Variants in NCALD observed in about 807,000 individuals in gnomAD.
NCALD encodes neurocalcin delta, also known as neurocalcin-delta.
Under a neutral mutation model 18.6 loss-of-function variants are expected in NCALD, and 10 were observed. The observed-to-expected ratio is 0.54, with a 90% confidence interval of 0.33 to 0.91. The LOEUF (loss-of-function observed/expected upper bound fraction) is 0.91. Ranked by LOEUF, NCALD falls within the 40% of genes least tolerant of loss-of-function variation. The probability of loss-of-function intolerance (pLI) is 0.03; values close to 1 mark genes in which losing one functional copy is unlikely to be tolerated. For missense variants in NCALD, 184 were observed against 247.6 expected, an observed-to-expected ratio of 0.74 and a Z score of 1.72; for synonymous variants, 88 against 87.4, an observed-to-expected ratio of 1.01 and a Z score of -0.04.
intron 4 of NCALD, among the ~76,000 whole-genome samples, chr8:101,801,643 CTTTTTTTTTTTTTTTTTTTT>C (rs71268530): frequency 0.036 from 1,598 of 44,122 alleles, 18 homozygotes; most frequent in Middle Eastern, 0.13. Context: ...AGCACACTTA[CTTTTTTTTTTTTTTTTTTTT>C]TTTTTTTTTT....
At chr8:102,064,152 A>C (rs1295672027) in intron 1 of NCALD, among the ~76,000 whole-genome samples, 1 of 152,228 alleles carries the variant, frequency 6.6e-6, no homozygotes, top group African/African-American at 2.4e-5. Context: ...GTTTGCCTTC[A>C]GGTTCCCAAA....
chr8:102,107,327 T>A (rs184235878), intron 1 of NCALD, among the ~76,000 whole-genome samples: 1 of 150,472 alleles, frequency 6.6e-6, no homozygotes, highest in South Asian at 2.1e-4. Flanking sequence ...CAAATTTGGA[T>A]TTCTTAAGGA....
chr8:101,937,302 G>C lies in NCALD; in HGVS notation c.-156-21444C>G, dbSNP rs575427636. Among the ~76,000 whole-genome samples the C allele has an allele frequency of 4.6e-5, 7 of 152,232 alleles. No homozygotes were observed. The South Asian group carries it at 1.2e-3, about 27-fold the overall frequency. ...TTTCATCACCCAGGTACTAAGCCCA[G>C]TAGCCAATAGTTATTTTTTCTGCTC... is the stretch of plus-strand genomic sequence containing the variant. On this transcript the variant is annotated intron_variant, in intron 2 of 6. Transcript: ENST00000311028.
At chr8:101,812,457 T>C (rs945108147) in intron 4 of NCALD, among the ~76,000 whole-genome samples, 3 of 152,160 alleles carry the variant, frequency 2.0e-5, no homozygotes, top group Non-Finnish European at 4.4e-5. Flanking sequence ...CTTTGTGTCA[T>C]GGCTGGGAAG....
chr8:102,104,411 C>T (rs564893420), intron 1 of NCALD, among the ~76,000 whole-genome samples: 2 of 152,194 alleles, frequency 1.3e-5, no homozygotes, highest in African/African-American at 2.4e-5. Flanking sequence ...AAAGTAAAGA[C>T]AAAACCATCC....
At chr8:101,884,754 G>A (rs142616249) in intron 4 of NCALD, among the ~76,000 whole-genome samples, 5 of 152,020 alleles carry the variant, frequency 3.3e-5, no homozygotes, top group South Asian at 4.2e-4. Flanking sequence ...CATTAAGAAC[G>A]TGACTGGATG....
At position 102,009,734 on chromosome 8, in the gene NCALD, C is replaced by T. The variant is rs555335512; in HGVS notation, c.-157+10503G>A. The stretch of plus-strand genomic sequence containing the variant: ...GAAAATGTTCTATTGGAGCAGTTTA[C>T]CGTCTTTCTGTCTGGAGAAATCGAT... On this transcript the variant is annotated intron_variant, in intron 2 of 6. Coordinates refer to the NCALD transcript ENST00000311028. 2.0e-5 allele frequency among the ~76,000 whole-genome samples: 3 copies of T among 152,302 alleles called. No homozygotes were observed. The South Asian group carries it at 6.2e-4, about 32-fold the overall frequency.
intron 1 of NCALD, among the ~76,000 whole-genome samples, chr8:101,747,219 C>G (rs2130744347): frequency 6.6e-6 from 1 of 152,214 alleles, no homozygotes; most frequent in Admixed American, 6.5e-5. Flanking sequence ...GTGACACAGG[C>G]AAAATCTGGT....
At chr8:101,957,041 T>G (rs568914680) in intron 2 of NCALD, among the ~76,000 whole-genome samples, 3 of 152,164 alleles carry the variant, frequency 2.0e-5, no homozygotes, top group South Asian at 2.1e-4. Context: ...AGCTCAGAGA[T>G]AAATTCAGAC....
intron 4 of NCALD, among the ~76,000 whole-genome samples, chr8:101,834,976 A>G (rs1436925074): frequency 6.6e-6 from 1 of 152,216 alleles, no homozygotes; most frequent in Non-Finnish European, 1.5e-5. Context: ...GTGGTCTTAG[A>G]CAAGTCACCT....
chr8:101,782,874 T>G (rs1812074071), intron 1 of NCALD, among the ~76,000 whole-genome samples: 1 of 152,212 alleles, frequency 6.6e-6, no homozygotes, highest in African/African-American at 2.4e-5. Flanking sequence ...TTGTAGCCAG[T>G]GTGGAAGACG....
At chr8:101,758,513 T>C (rs1030245870) in intron 1 of NCALD, among the ~76,000 whole-genome samples, 1 of 152,236 alleles carries the variant, frequency 6.6e-6, no homozygotes, top group African/African-American at 2.4e-5. Context: ...AAGCTATGTA[T>C]TAATTCATTC....
upstream of NCALD, among the ~76,000 whole-genome samples, chr8:101,793,307 G>A (rs1812514311): frequency 6.7e-6 from 1 of 149,316 alleles, no homozygotes; most frequent in African/African-American, 2.5e-5. Context: ...CCAAGATCAT[G>A]CCACTGCACT....
At chr8:102,080,529 T>G (rs937001389) in intron 1 of NCALD, among the ~76,000 whole-genome samples, 4 of 152,222 alleles carry the variant, frequency 2.6e-5, no homozygotes, top group African/African-American at 9.6e-5. Flanking sequence ...CCCTATGGGA[T>G]TAACATATTC....
At chr8:101,706,399 T>C (rs891002233) in intron 2 of NCALD, among the ~76,000 whole-genome samples, 35 of 152,188 alleles carry the variant, frequency 2.3e-4, no homozygotes, top group Admixed American at 2.2e-3. Flanking sequence ...CAGTGCAACA[T>C]CTTAATAGAG....
At chr8:101,793,449 A>G (rs1432559327), upstream of NCALD, among the ~76,000 whole-genome samples, 1 of 152,098 alleles carries the variant, frequency 6.6e-6, no homozygotes, top group Non-Finnish European at 1.5e-5. Context: ...GAAACTGAAG[A>G]GAGAGATTAA....
intron 3 of NCALD, among the ~76,000 whole-genome samples, chr8:101,904,415 C>T (rs1817542208): frequency 6.6e-6 from 1 of 152,066 alleles, no homozygotes; most frequent in South Asian, 2.1e-4. Context: ...TTCCCATCTC[C>T]CCACTTCCTT....
At chr8:101,910,022 G>T (rs1817736918) in intron 3 of NCALD, among the ~76,000 whole-genome samples, 1 of 152,106 alleles carries the variant, frequency 6.6e-6, no homozygotes, top group Non-Finnish European at 1.5e-5. Context: ...TGGGTGTGAA[G>T]TCTTTCTAGT....
chr8:101,722,455 T>C (rs1410388181), intron 1 of NCALD, among the ~76,000 whole-genome samples: 2 of 152,220 alleles, frequency 1.3e-5, no homozygotes, highest in Non-Finnish European at 2.9e-5. Flanking sequence ...CAAGTTTTCC[T>C]TTTGGGGAGT....
Sources: allele counts gnomAD v4.1 joint callset (sites outside exome capture counted in the v4.1 genomes callset), GRCh38; gene constraint gnomAD v4.1.1; transcripts MANE v1.5; gene names NCBI Gene and HGNC (gene_info 2026-07-23, HGNC 2026-07-21).